FYB1: variants seen among roughly 807,000 people sequenced by gnomAD.
The protein encoded by FYB1 is FYN-binding protein 1.
Under a neutral mutation model 94.1 loss-of-function variants are expected in FYB1, and 41 were observed. The ratio of observed to expected loss-of-function variants is 0.44; its 90% CI spans 0.34 to 0.57. The LOEUF (loss-of-function observed/expected upper bound fraction) is 0.57, where lower values mean the gene tolerates loss of function less well. Ranked by LOEUF, FYB1 falls within the 20% of genes least tolerant of loss-of-function variation. The pLI is 0.02. For missense variants in FYB1, 1,050 were observed against 976.8 expected, an observed-to-expected ratio of 1.07 and a Z score of -1.00; for synonymous variants, 367 against 353.2, an observed-to-expected ratio of 1.04 and a Z score of -0.44.
intron 2 of FYB1, among the ~76,000 whole-genome samples, chr5:39,169,018 G>T (rs1327763473): frequency 6.6e-6 from 1 of 152,114 alleles, no homozygotes; most frequent in Non-Finnish European, 1.5e-5. Flanking sequence ...GTCTCTTTTA[G>T]AAACTCTTAC....
intron 1 of FYB1, among the ~76,000 whole-genome samples, chr5:39,254,639 AG>A (rs1055972946): frequency 5.3e-5 from 8 of 152,232 alleles, no homozygotes; most frequent in African/African-American, 1.9e-4. Context: ...TAATCAGAAC[AG>A]GTTTTTGTAA....
upstream of FYB1, among the ~76,000 whole-genome samples, chr5:39,221,309 T>G (rs1041397064): frequency 2.6e-5 from 4 of 152,330 alleles, no homozygotes; most frequent in African/African-American, 9.6e-5. Context: ...TAGAAGGACC[T>G]GGCCCCCAAC....
chr5:39,180,606 A>G lies in FYB1; in HGVS notation c.1135+21220T>C, dbSNP rs532910181. ...TATCTTGGCTCCTTAGGGGAAGAAA[A>G]CAGTTGAGATGGAAGCAGAGCTATT... On this transcript the variant is annotated intron_variant, in intron 2 of 18. Transcript: ENST00000512982. Among the ~76,000 whole-genome samples the G allele has an allele frequency of 3.9e-5, 6 of 152,240 alleles. No individual in the cohort carries two copies. In the South Asian group the frequency reaches 1.2e-3, roughly 32 times the overall value.
At chr5:39,270,844 A>C in intron 1 of FYB1, 1 of 399,564 alleles carries the variant, frequency 2.5e-6, no homozygotes, top group Non-Finnish European at 4.4e-6. Context: ...AAATTGACAC[A>C]AAATTTTTTA....
In FYB1 at chr5:39,107,442, G is replaced by C; in HGVS notation, c.*1C>G. 2 of 1,527,832 alleles carry C rather than the reference G, an allele frequency of 1.3e-6. No individual in the cohort carries two copies. The highest frequency in any genetic ancestry group is 1.8e-6 in the Non-Finnish European group (2 of 1,133,310). The allele number at this position is 1,527,832 out of a possible 1,614,324, so 94.6% of individuals were successfully genotyped here. A position where few individuals can be genotyped will look rare whatever the true frequency, so the allele number is the denominator to read the frequency against. The stretch of plus-strand genomic sequence containing the variant: ...CACAGCAGAATGACCAAAGTTGAGT[G>C]CTAGTCATTGTCATAGATGCAGCCT... On this transcript the variant is annotated 3_prime_UTR_variant, in exon 19 of 19. Coordinates refer to ENST00000512982, the MANE Select transcript of FYB1 (RefSeq NM_001465.6).
intron 1 of FYB1, among the ~76,000 whole-genome samples, chr5:39,242,701 C>T (rs10051140): frequency 0.17 from 25,450 of 151,730 alleles, 5,679 homozygotes; most frequent in African/African-American, 0.49. Context: ...TCTAGATCCC[C>T]GAGGAATCAC....
intron 1 of FYB1, chr5:39,270,640 T>A: frequency 6.8e-7 from 1 of 1,477,470 alleles, no homozygotes; most frequent in Non-Finnish European, 9.1e-7. Context: ...GGATAGTGAA[T>A]GTGCAAGTTA....
intron 1 of FYB1, among the ~76,000 whole-genome samples, chr5:39,243,621 C>T (rs1436341816): frequency 6.6e-6 from 1 of 152,154 alleles, no homozygotes; most frequent in Non-Finnish European, 1.5e-5. Context: ...CTTGGCAATG[C>T]AGGCTCTTTT....
intron 2 of FYB1, among the ~76,000 whole-genome samples, chr5:39,201,571 A>C (rs1372668416): frequency 6.6e-6 from 1 of 152,212 alleles, no homozygotes. Flanking sequence ...CCACGTATCA[A>C]TGAAGTGGAT....
intron 1 of FYB1, among the ~76,000 whole-genome samples, chr5:39,235,600 T>C (rs1179437454): frequency 6.6e-6 from 1 of 151,656 alleles, no homozygotes; most frequent in Non-Finnish European, 1.5e-5. Context: ...ATTGTGATGC[T>C]AGACACCTGA....
intron 1 of FYB1, among the ~76,000 whole-genome samples, chr5:39,231,213 G>A (rs1312275637): frequency 6.7e-6 from 1 of 150,160 alleles, no homozygotes; most frequent in African/African-American, 2.5e-5. Flanking sequence ...TTCAGCTGCT[G>A]TTGCCCTGGG....
chr5:39,108,609 G>A (rs1738761138), intron 17 of FYB1, among the ~76,000 whole-genome samples: 1 of 152,044 alleles, frequency 6.6e-6, no homozygotes, highest in Non-Finnish European at 1.5e-5. Flanking sequence ...GGACTTTTAT[G>A]TCTGTTAATA....
intron 3 of FYB1, among the ~76,000 whole-genome samples, chr5:39,146,733 A>T (rs1340339690): frequency 6.6e-6 from 1 of 152,202 alleles, no homozygotes; most frequent in African/African-American, 2.4e-5. Context: ...TTACTTGTAG[A>T]CAATGTTTGC....
intron 3 of FYB1, among the ~76,000 whole-genome samples, chr5:39,144,710 G>A (rs968410973): frequency 2.6e-5 from 4 of 152,088 alleles, no homozygotes; most frequent in Non-Finnish European, 4.4e-5. Context: ...GCTGAGGCAC[G>A]AGAATCTATT....
At chr5:39,155,778 ATTG>A (rs1743693009) in intron 2 of FYB1, among the ~76,000 whole-genome samples, 1 of 152,122 alleles carries the variant, frequency 6.6e-6, no homozygotes, top group Non-Finnish European at 1.5e-5. Flanking sequence ...TTTTATGGTG[ATTG>A]TTGTTGTTGC....
intron 1 of FYB1, among the ~76,000 whole-genome samples, chr5:39,239,242 G>A (rs1166448291): frequency 6.6e-6 from 1 of 151,942 alleles, no homozygotes; most frequent in East Asian, 1.9e-4. Flanking sequence ...TTCCTTTTGA[G>A]AACCAGAACA....
chr5:39,109,771 C>A (rs1231775389), intron 17 of FYB1, among the ~76,000 whole-genome samples: 1 of 152,010 alleles, frequency 6.6e-6, no homozygotes, highest in Non-Finnish European at 1.5e-5. Context: ...CAGGGGACTC[C>A]AAAGGCACAC....
At chr5:39,245,595 G>A (rs1169953142) in intron 1 of FYB1, among the ~76,000 whole-genome samples, 2 of 145,780 alleles carry the variant, frequency 1.4e-5, no homozygotes, top group African/African-American at 5.5e-5. Flanking sequence ...GAAGGAAGAG[G>A]AAGAGGCTTT....
chr5:39,132,845 C>G (rs1257304271), intron 9 of FYB1, among the ~76,000 whole-genome samples: 1 of 152,170 alleles, frequency 6.6e-6, no homozygotes, highest in Non-Finnish European at 1.5e-5. Flanking sequence ...ATATGCTTGA[C>G]ATAGTCATGA....
Sources: gnomAD v4.1 joint callset for allele counts (sites outside exome capture counted in the v4.1 genomes callset) on GRCh38, gnomAD v4.1.1 for gene constraint, MANE v1.5 for transcripts, NCBI Gene and HGNC (gene_info 2026-07-23, HGNC 2026-07-21) for gene names.